DIAPH2: variants seen among roughly 807,000 people sequenced by gnomAD.
DIAPH2 encodes diaphanous related formin 2.
A neutral mutation model predicts 92.7 loss-of-function variants in DIAPH2; 35 were observed. The ratio of observed to expected loss-of-function variants is 0.38; its 90% confidence interval spans 0.29 to 0.50. The LOEUF is 0.50. Ranked by LOEUF, DIAPH2 falls within the 20% of genes least tolerant of loss-of-function variation. DIAPH2 has a pLI of 0.94. For synonymous variants in DIAPH2, 301 were observed against 280.4 expected (o/e 1.07, Z -0.73); for missense variants, 701 against 819.5 (o/e 0.86, Z 1.77).
chrX:97,495,812 G>C (rs991272535), intron 26 of DIAPH2, among the ~76,000 whole-genome samples: 4 of 111,710 alleles, frequency 3.6e-5, no homozygotes, highest in Non-Finnish European at 5.6e-5. Flanking sequence ...CCTGAGCCAA[G>C]ATTACTGTTT....
chrX:96,723,082 A>G (rs747595896), intron 1 of DIAPH2, among the ~76,000 whole-genome samples: 19 of 111,737 alleles, frequency 1.7e-4, no homozygotes, highest in Admixed American at 1.5e-3. Flanking sequence ...TTCCTAAAAA[A>G]AGTGATCACT....
chrX:96,771,627 AAAACTTAAAGTGGCAT>A (rs2064339695), intron 4 of DIAPH2, among the ~76,000 whole-genome samples: 1 of 111,914 alleles, frequency 8.9e-6, no homozygotes, highest in Non-Finnish European at 1.9e-5. Context: ...TTGCCATTAT[AAAACTTAAAGTGGCAT>A]AACAGAGGGA....
At chrX:97,568,232 A>G (rs2071341622) in intron 26 of DIAPH2, among the ~76,000 whole-genome samples, 1 of 110,411 alleles carries the variant, frequency 9.1e-6, no homozygotes, top group South Asian at 3.9e-4. Flanking sequence ...TACTACTTTA[A>G]TAATTTCAAT....
chrX:97,603,278 G>A lies in DIAPH2; in HGVS notation c.*3961G>A, dbSNP rs2071605458. 1 of 110,061 alleles carries A rather than the reference G, an allele frequency of 9.1e-6. No individual in the cohort carries two copies. The highest frequency in any genetic ancestry group is 3.3e-5 in the African/African-American group (1 of 30,131). 9.1% of individuals were successfully genotyped at this position (110,061 alleles called of 1,213,427 possible). A position where few individuals can be genotyped will look rare whatever the true frequency, so the allele number is the denominator to read the frequency against. ...AAAAAATTTTTTTTAATGTATTAGA[G>A]ATGAGGTCTCACTCTGTCACCCAGG... On this transcript the variant is annotated 3_prime_UTR_variant, in exon 27 of 27. Transcript: ENST00000324765.
intron 21 of DIAPH2, among the ~76,000 whole-genome samples, chrX:97,130,907 C>A (rs1334961771): frequency 9.1e-6 from 1 of 110,460 alleles, no homozygotes; most frequent in Non-Finnish European, 1.9e-5. Flanking sequence ...GATTTTGAGA[C>A]CAGCCTGAGC....
At chrX:96,863,339 ACTCT>A (rs1399226482) in intron 4 of DIAPH2, among the ~76,000 whole-genome samples, 1 of 88,118 alleles carries the variant, frequency 1.1e-5, no homozygotes, top group African/African-American at 4.3e-5. Context: ...TTTCATTATC[ACTCT>A]TTTTTCATTT....
At chrX:97,306,244 A>G (rs2068746027) in intron 23 of DIAPH2, among the ~76,000 whole-genome samples, 1 of 111,047 alleles carries the variant, frequency 9.0e-6, no homozygotes, top group Non-Finnish European at 1.9e-5. Context: ...AGGATATACT[A>G]CGTTGTAGAT....
intron 4 of DIAPH2, among the ~76,000 whole-genome samples, chrX:96,815,614 T>C (rs1201155474): frequency 8.9e-6 from 1 of 111,980 alleles, no homozygotes; most frequent in Non-Finnish European, 1.9e-5. Flanking sequence ...GTGTCGATCA[T>C]GCTGGGAGCT....
chrX:97,578,058 G>A (rs1223799873), intron 26 of DIAPH2, among the ~76,000 whole-genome samples: 1 of 100,394 alleles, frequency 1.0e-5, no homozygotes, highest in Non-Finnish European at 2.0e-5. Context: ...TTTTGAGCTG[G>A]GGAGTACGGT....
intron 20 of DIAPH2, among the ~76,000 whole-genome samples, chrX:97,109,361 G>A (rs950379190): frequency 1.8e-5 from 2 of 111,479 alleles, no homozygotes; most frequent in African/African-American, 6.5e-5. Context: ...AGTCAAGGTT[G>A]CAGTGAGCTG....
At chrX:97,298,426 A>G (rs2147622663) in intron 23 of DIAPH2, among the ~76,000 whole-genome samples, 1 of 107,017 alleles carries the variant, frequency 9.3e-6, no homozygotes, top group East Asian at 3.0e-4. Flanking sequence ...ACTTAAATTG[A>G]AAAAAAAATG....
chrX:97,331,313 TTAAA>T (rs1318003165), intron 23 of DIAPH2, among the ~76,000 whole-genome samples: 2 of 111,924 alleles, frequency 1.8e-5, no homozygotes, highest in Non-Finnish European at 3.8e-5. Flanking sequence ...TCTTTCAGAG[TTAAA>T]TAATGCAGTT....
At chrX:97,562,140 G>A (rs192719546) in intron 26 of DIAPH2, among the ~76,000 whole-genome samples, 1 of 111,175 alleles carries the variant, frequency 9.0e-6, no homozygotes, top group East Asian at 2.8e-4. Flanking sequence ...CAAGAAATGT[G>A]TGAACATAGT....
chrX:97,178,567 C>T (rs1243341509), intron 22 of DIAPH2, among the ~76,000 whole-genome samples: 2 of 105,865 alleles, frequency 1.9e-5, no homozygotes, highest in South Asian at 4.4e-4. Flanking sequence ...ATTCTCCTGC[C>T]TCAGCCTCCA....
At chrX:97,484,566 A>G (rs73554306) in intron 26 of DIAPH2, among the ~76,000 whole-genome samples, 1,788 of 112,183 alleles carry the variant, frequency 0.016, 31 homozygotes, top group African/African-American at 0.055. Context: ...ATTTTATATT[A>G]ACATAGACGG....
At chrX:97,362,987 G>A (rs1451399555) in intron 24 of DIAPH2, among the ~76,000 whole-genome samples, 1 of 112,510 alleles carries the variant, frequency 8.9e-6, no homozygotes, top group African/African-American at 3.2e-5. Context: ...GGTACAGTTA[G>A]ATGATTTTTA....
chrX:97,335,626 A>G (rs1054391614), intron 23 of DIAPH2, among the ~76,000 whole-genome samples: 5 of 111,839 alleles, frequency 4.5e-5, no homozygotes, highest in African/African-American at 1.6e-4. Flanking sequence ...ACTGCCTTTG[A>G]TTCTGTGTAA....
intron 26 of DIAPH2, among the ~76,000 whole-genome samples, chrX:97,515,158 C>G (rs201068242): frequency 8.9e-6 from 1 of 112,303 alleles, no homozygotes; most frequent in Non-Finnish European, 1.9e-5. Context: ...TAGCAATCAG[C>G]GAGATTCCGT....
chrX:97,408,908 T>A (rs1399298452), intron 25 of DIAPH2, among the ~76,000 whole-genome samples: 1 of 111,250 alleles, frequency 9.0e-6, no homozygotes, highest in East Asian at 2.8e-4. Flanking sequence ...CAAAGAAAAA[T>A]TTTTGGAAGC....
Sources: gnomAD v4.1 joint callset for allele counts (sites outside exome capture counted in the v4.1 genomes callset) on GRCh38, gnomAD v4.1.1 for gene constraint, MANE v1.5 for transcripts, NCBI Gene and HGNC (gene_info 2026-07-23, HGNC 2026-07-21) for gene names.